DENND1A: variants seen among roughly 807,000 people sequenced by gnomAD.
DENND1A encodes DENN domain-containing protein 1A.
Under a neutral mutation model 113.7 loss-of-function variants are expected in DENND1A, and 51 were observed. That is an observed-to-expected ratio of 0.45 (90% CI 0.36 to 0.57). The LOEUF (loss-of-function observed/expected upper bound fraction) is 0.57, where lower values mean the gene tolerates loss of function less well. Among genes scored for constraint, DENND1A ranks in the 20% least tolerant of loss-of-function variants. DENND1A has a pLI of 0.00. For missense variants in DENND1A, 1,258 were observed against 1,395.9 expected (o/e 0.90, Z 1.57); for synonymous variants, 565 against 570.8 (o/e 0.99, Z 0.14).
chr9:123,417,677 G>A (rs565620470), intron 19 of DENND1A, among the ~76,000 whole-genome samples: 2 of 152,208 alleles, frequency 1.3e-5, no homozygotes. Flanking sequence ...CAGAGAAAAG[G>A]CTGATGAGAG....
chr9:123,649,838 T>C (rs796570783), intron 9 of DENND1A, among the ~76,000 whole-genome samples: 10 of 152,310 alleles, frequency 6.6e-5, no homozygotes, highest in African/African-American at 2.4e-4. Flanking sequence ...ATCCACCACA[T>C]TTATGAGAGC....
chr9:123,806,405 C>T (rs1248488367), intron 2 of DENND1A, among the ~76,000 whole-genome samples: 2 of 151,970 alleles, frequency 1.3e-5, no homozygotes, highest in African/African-American at 2.4e-5. Flanking sequence ...TACAGGTGCC[C>T]GCCACTACGC....
Position 123,422,307 on chromosome 9 carries a change from T to C in DENND1A, c.1489-10478A>G, listed in dbSNP as rs1303924399. Among the ~76,000 whole-genome samples the C allele has an allele frequency of 1.3e-5, 2 of 152,226 alleles. No individual in the cohort carries two copies. The highest frequency in any genetic ancestry group is 2.9e-5 in the Non-Finnish European group (2 of 68,032). Reference sequence around the variant, plus strand: ...TTGTCTGCAAGACTGGCAACATTCCTGGCATGCTTCTGATCAGGAAAAACC... The same window carrying C: ...TTGTCTGCAAGACTGGCAACATTCCCGGCATGCTTCTGATCAGGAAAAACC... On this transcript the variant is annotated intron_variant, in intron 19 of 23. Transcript: ENST00000394215. The surrounding 1 kb of genome is among the most constrained non-coding windows in gnomAD (Gnocchi z 4.8).
chr9:123,677,964 G>A (rs1157745927), intron 5 of DENND1A, among the ~76,000 whole-genome samples: 1 of 151,932 alleles, frequency 6.6e-6, no homozygotes, highest in African/African-American at 2.4e-5. Context: ...AGCCTGCCTG[G>A]GCTTACATAC....
intron 13 of DENND1A, among the ~76,000 whole-genome samples, chr9:123,511,252 G>A (rs1227692260): frequency 1.3e-5 from 2 of 152,204 alleles, no homozygotes; most frequent in African/African-American, 4.8e-5. Context: ...TTGGGCTCCA[G>A]TCCTGGCTCT....
chr9:123,895,060 T>C (rs1850510037), intron 1 of DENND1A, among the ~76,000 whole-genome samples: 1 of 140,214 alleles, frequency 7.1e-6, no homozygotes, highest in African/African-American at 2.6e-5. Context: ...TGCAAGTTCC[T>C]TTTTTTTTTT....
At chr9:123,924,347 T>C (rs1373240127) in intron 1 of DENND1A, among the ~76,000 whole-genome samples, 2 of 152,200 alleles carry the variant, frequency 1.3e-5, no homozygotes, top group Non-Finnish European at 2.9e-5. Context: ...CAATCACCCT[T>C]GTGAATATAC....
intron 2 of DENND1A, among the ~76,000 whole-genome samples, chr9:123,831,992 A>AG (rs1464908208): frequency 2.0e-5 from 3 of 152,182 alleles, no homozygotes; most frequent in Non-Finnish European, 4.4e-5. Context: ...CCAAAAAAAA[A>AG]CAATAACAAT....
chr9:123,526,529 C>T (rs1228645560), intron 13 of DENND1A, among the ~76,000 whole-genome samples: 2 of 152,226 alleles, frequency 1.3e-5, no homozygotes, highest in Admixed American at 1.3e-4. Flanking sequence ...CCCTCTCCCC[C>T]AGCCACAATG....
intron 13 of DENND1A, among the ~76,000 whole-genome samples, chr9:123,553,553 C>CA (rs1022355976): frequency 2.7e-5 from 4 of 150,866 alleles, no homozygotes; most frequent in Non-Finnish European, 3.0e-5. Context: ...AACTAAAAGG[C>CA]AAAAAAAATA....
At chr9:123,725,979 C>A (rs2067680034) in intron 5 of DENND1A, among the ~76,000 whole-genome samples, 1 of 152,212 alleles carries the variant, frequency 6.6e-6, no homozygotes, top group South Asian at 2.1e-4. Context: ...AATATAATTT[C>A]TACTCACGAC....
intron 9 of DENND1A, among the ~76,000 whole-genome samples, chr9:123,630,705 T>C (rs1194743297): frequency 1.3e-5 from 2 of 152,118 alleles, no homozygotes; most frequent in African/African-American, 4.8e-5. Context: ...AAATAGAAAA[T>C]TTTTAAAATG....
chr9:123,467,487 C>T (rs1435050473), intron 13 of DENND1A, among the ~76,000 whole-genome samples: 1 of 152,136 alleles, frequency 6.6e-6, no homozygotes, highest in East Asian at 1.9e-4. Context: ...AGCCCCATCT[C>T]TACTAAAAAT....
chr9:123,895,767 A>C (rs1850656291), intron 1 of DENND1A, among the ~76,000 whole-genome samples: 1 of 152,198 alleles, frequency 6.6e-6, no homozygotes, highest in Non-Finnish European at 1.5e-5. Flanking sequence ...CCATTCTCCC[A>C]ATCTAAGGGG....
chr9:123,581,051 C>A (rs1027773365), intron 12 of DENND1A, among the ~76,000 whole-genome samples: 1 of 152,092 alleles, frequency 6.6e-6, no homozygotes, highest in African/African-American at 2.4e-5. Flanking sequence ...TGAATGACAT[C>A]CTAAACGCAG....
At chr9:123,788,427 A>C (rs1251759966) in intron 3 of DENND1A, among the ~76,000 whole-genome samples, 1 of 152,156 alleles carries the variant, frequency 6.6e-6, no homozygotes, top group Non-Finnish European at 1.5e-5. Flanking sequence ...ATTTGCTAAC[A>C]TGTTAATTTA....
At chr9:123,644,940 T>C (rs1470351489) in intron 9 of DENND1A, among the ~76,000 whole-genome samples, 1 of 152,202 alleles carries the variant, frequency 6.6e-6, no homozygotes, top group Non-Finnish European at 1.5e-5. Context: ...AAAAGCAGTA[T>C]GAATTAAGCT....
At chr9:123,595,306 G>T (rs1412985855) in intron 11 of DENND1A, among the ~76,000 whole-genome samples, 2 of 152,090 alleles carry the variant, frequency 1.3e-5, no homozygotes, top group African/African-American at 4.8e-5. Flanking sequence ...CAGCAAAGGG[G>T]CTCTTCCTCT....
intron 13 of DENND1A, among the ~76,000 whole-genome samples, chr9:123,533,969 G>A (rs1028892766): frequency 6.6e-6 from 1 of 152,178 alleles, no homozygotes. Flanking sequence ...CAGAATTTTT[G>A]AGCTGGATTT....
Sources: gnomAD v4.1 joint callset for allele counts (sites outside exome capture counted in the v4.1 genomes callset) on GRCh38, gnomAD v4.1.1 for gene constraint, Gnocchi (gnomAD v3.1) non-coding constraint, MANE v1.5 for transcripts, NCBI Gene and HGNC (gene_info 2026-07-23, HGNC 2026-07-21) for gene names.